IKZF1: variants seen among roughly 807,000 people sequenced by gnomAD.
IKZF1 encodes DNA-binding protein Ikaros.
Under a neutral mutation model 51.7 loss-of-function variants are expected in IKZF1, and 10 were observed. The ratio of observed to expected loss-of-function variants is 0.19; its 90% CI spans 0.12 to 0.33. The LOEUF (loss-of-function observed/expected upper bound fraction) is 0.33, where lower values mean the gene tolerates loss of function less well. IKZF1 is among the 10% of genes least tolerant of loss of function. The pLI is 1.00. For missense variants in IKZF1, 484 were observed against 707.5 expected (o/e 0.68, Z 3.58); for synonymous variants, 280 against 282.3 (o/e 0.99, Z 0.08).
chr7:50,364,678 G>C (rs1156772771), intron 3 of IKZF1, among the ~76,000 whole-genome samples: 1 of 152,244 alleles, frequency 6.6e-6, no homozygotes, highest in Non-Finnish European at 1.5e-5. Context: ...AAAGCAGGTT[G>C]TATGGCTCAT....
At chr7:50,362,613 C>T (rs1805596930) in intron 3 of IKZF1, among the ~76,000 whole-genome samples, 1 of 152,146 alleles carries the variant, frequency 6.6e-6, no homozygotes, top group South Asian at 2.1e-4. Context: ...TGTTTTAAAG[C>T]ATTTTTCCAT....
intron 3 of IKZF1, among the ~76,000 whole-genome samples, chr7:50,337,947 G>T (rs921216714): frequency 2.7e-4 from 41 of 152,156 alleles, no homozygotes; most frequent in Non-Finnish European, 1.6e-4. Flanking sequence ...CCACCAGTTA[G>T]CCCGGACACA....
chr7:50,367,965 G>T, intron 3 of IKZF1: 1 of 649,418 alleles, frequency 1.5e-6, no homozygotes, highest in South Asian at 1.8e-5. Context: ...ACTCTCTCCT[G>T]GTATCACAAC....
chr7:50,347,413 A>G (rs768719163), intron 3 of IKZF1, among the ~76,000 whole-genome samples: 1 of 152,192 alleles, frequency 6.6e-6, no homozygotes, highest in Non-Finnish European at 1.5e-5. Flanking sequence ...AAGGAGAAAC[A>G]GTTTACGGTG....
At position 50,327,700 on chromosome 7, in the gene IKZF1, G is replaced by A. The variant is rs1432663785; in HGVS notation, c.103G>A (p.Glu35Lys). ...GGGCGATGAGCCCATGCCGATCCCC[G>A]AGGACCTCTCCACCACCTCGGGAGG... is the stretch of plus-strand genomic sequence containing the variant. Reference protein sequence around the residue: ...DEGDEPMPIPEDLSTTSGGQQ... With the variant: ...DEGDEPMPIPKDLSTTSGGQQ... Residue 35 changes from glutamate to lysine, a missense_variant, in exon 3 of 8, where the codon GAG becomes AAG. Physicochemically the swap from Glu to Lys is moderately conservative, Grantham distance 56 (BLOSUM62 1). Around this residue, in one of 6 missense-constraint regions of IKZF1, gnomAD observed 118 missense variants for 138.4 expected, o/e 0.85. Coordinates refer to ENST00000331340, the MANE Select transcript of IKZF1 (RefSeq NM_006060.6). The A allele has an allele frequency of 2.5e-6, 4 of 1,613,718 alleles. No individual in the cohort carries two copies. Among genetic ancestry groups the A allele is most frequent in the Non-Finnish European group, 8.5e-7 (1 of 1,179,782 alleles).
rs2153467248 is a variant in IKZF1, at chr7:50,376,401, C to T, written c.161-132C>T. The T allele has an allele frequency of 6.9e-7, 1 of 1,444,190 alleles. No individual in the cohort carries two copies. Among genetic ancestry groups the T allele is most frequent in the East Asian group, 2.3e-5 (1 of 43,954 alleles). 89.5% of individuals were successfully genotyped at this position (1,444,190 alleles called of 1,614,324 possible). The stretch of plus-strand genomic sequence containing the variant: ...GCACGGCGAGCTCAGGCTGCTCTCC[C>T]CTTGGTATTTGCTAAGAACTTCTGT... On this transcript the variant is annotated intron_variant, in intron 3 of 7. Coordinates refer to ENST00000331340, the MANE Select transcript of IKZF1 (RefSeq NM_006060.6). The surrounding 1 kb of genome is among the most constrained non-coding windows in gnomAD (Gnocchi z 4.5).
At chr7:50,317,019 T>G (rs954039937) in intron 1 of IKZF1, among the ~76,000 whole-genome samples, 4 of 152,248 alleles carry the variant, frequency 2.6e-5, no homozygotes, top group African/African-American at 7.2e-5. Flanking sequence ...AAACAACATA[T>G]TTGTAATCTG....
rs1007895377 is a variant in IKZF1, at chr7:50,325,023, A to G, written c.41-2615A>G. 5.9e-5 allele frequency among the ~76,000 whole-genome samples: 9 copies of G among 152,174 alleles called. No homozygotes were observed. In the South Asian group the frequency reaches 1.7e-3, roughly 28 times the overall value. On this transcript the variant is annotated intron_variant, in intron 2 of 7. Coordinates refer to ENST00000331340, the MANE Select transcript of IKZF1 (RefSeq NM_006060.6). ...CCATAATAATGACAGCTGGTTAATCATGAGACGCGTGCACACCCCACACGC... is the reference window on the plus strand; with the variant it reads ...CCATAATAATGACAGCTGGTTAATCGTGAGACGCGTGCACACCCCACACGC...
chr7:50,395,424 A>G (rs1816436785), intron 7 of IKZF1, among the ~76,000 whole-genome samples: 1 of 152,104 alleles, frequency 6.6e-6, no homozygotes, highest in Non-Finnish European at 1.5e-5. Context: ...AATATGTACT[A>G]TGAAAAACAT....
chr7:50,311,506 C>T (rs574450636), intron 1 of IKZF1, among the ~76,000 whole-genome samples: 56 of 152,200 alleles, frequency 3.7e-4, no homozygotes, highest in South Asian at 8.3e-4. Flanking sequence ...TAAATATACA[C>T]GTATGGGTTC....
At chr7:50,395,786 T>A (rs1816551297) in intron 7 of IKZF1, among the ~76,000 whole-genome samples, 1 of 152,234 alleles carries the variant, frequency 6.6e-6, no homozygotes, top group Admixed American at 6.5e-5. Flanking sequence ...TTTCTATCAT[T>A]GTATTGTTTT....
At position 50,400,676 on chromosome 7, in the gene IKZF1, AC is replaced by A; in HGVS notation, c.*50del. The stretch of plus-strand genomic sequence containing the variant: ...GACCCCGAGCCACCCCAGGAAAAGC[AC>A]AAGGACTGCCGCCTTCTCGCTCCCG... On this transcript the variant is annotated 3_prime_UTR_variant, in exon 8 of 8. Transcript: ENST00000331340. This position sits in a 1 kb window ranked among gnomAD's most constrained non-coding sequence, Gnocchi z 5.4. The A allele has an allele frequency of 6.4e-7, 1 of 1,557,030 alleles. No individual in the cohort carries two copies. The highest frequency in any genetic ancestry group is 8.6e-7 in the Non-Finnish European group (1 of 1,157,400).
chr7:50,380,077 A>G (rs1325476742), intron 4 of IKZF1, among the ~76,000 whole-genome samples: 2 of 152,220 alleles, frequency 1.3e-5, no homozygotes, highest in South Asian at 2.1e-4. Context: ...GCCACGCAAG[A>G]ACACACATGG....
At chr7:50,323,508 A>T (rs954245760) in intron 2 of IKZF1, among the ~76,000 whole-genome samples, 6 of 152,250 alleles carry the variant, frequency 3.9e-5, no homozygotes, top group Middle Eastern at 3.2e-3. Flanking sequence ...TAAGCTAATT[A>T]TACCATATCT....
intron 2 of IKZF1, among the ~76,000 whole-genome samples, chr7:50,327,119 G>A (rs1352199884): frequency 6.6e-6 from 1 of 152,206 alleles, no homozygotes; most frequent in Non-Finnish European, 1.5e-5. Context: ...TATTTATACT[G>A]TGGTGATTAT....
Position 50,372,072 on chromosome 7 carries a change from T to C in IKZF1, c.161-4461T>C, listed in dbSNP as rs553112733. On this transcript the variant is annotated intron_variant, in intron 3 of 7. Transcript: ENST00000331340. ...TCAGATTTTGAGATACAATCTGTAG[T>C]TGCAACTTATGAAGATAGTTTCAAG... 1.4e-3 allele frequency among the ~76,000 whole-genome samples: 220 copies of C among 152,344 alleles called. 2 individuals carry two copies. Among genetic ancestry groups the C allele is most frequent in the Middle Eastern group, 3.4e-3 (1 of 294 alleles).
chr7:50,369,373 G>A (rs1807964267), intron 3 of IKZF1: 1 of 395,092 alleles, frequency 2.5e-6, no homozygotes, highest in Non-Finnish European at 4.5e-6. Flanking sequence ...CAGTCTGTAA[G>A]AATCGCTGCA....
At chr7:50,311,780 C>G (rs1790230885) in intron 1 of IKZF1, among the ~76,000 whole-genome samples, 1 of 152,054 alleles carries the variant, frequency 6.6e-6, no homozygotes, top group African/African-American at 2.4e-5. Flanking sequence ...AATTTAACTG[C>G]TAAGAAGGCA....
At chr7:50,379,001 G>C (rs147090695) in intron 4 of IKZF1, among the ~76,000 whole-genome samples, 7 of 152,362 alleles carry the variant, frequency 4.6e-5, no homozygotes, top group Admixed American at 2.0e-4. Context: ...GTTAGAAAAG[G>C]CATGCTTTCT....
Sources: gnomAD v4.1 joint callset for allele counts (sites outside exome capture counted in the v4.1 genomes callset) on GRCh38, gnomAD v4.1.1 for gene constraint, gnomAD v4.1.1 regional missense constraint, Gnocchi (gnomAD v3.1) non-coding constraint, MANE v1.5 for transcripts, NCBI Gene and HGNC (gene_info 2026-07-23, HGNC 2026-07-21) for gene names.